EPB41L5: variants seen among roughly 807,000 people sequenced by gnomAD.
EPB41L5 encodes erythrocyte membrane protein band 4.1 like 5.
Under a neutral mutation model 106.6 loss-of-function variants are expected in EPB41L5, and 55 were observed. The ratio of observed to expected loss-of-function variants is 0.52; its 90% CI spans 0.42 to 0.65. The LOEUF is 0.65. EPB41L5 is among the 30% of genes least tolerant of loss of function. EPB41L5 has a pLI of 0.00. For synonymous variants in EPB41L5, 297 were observed against 306.7 expected (o/e 0.97, Z 0.33); for missense variants, 871 against 882.1 (o/e 0.99, Z 0.16).
chr2:120,060,546 A>G (rs1208581785), intron 3 of EPB41L5, among the ~76,000 whole-genome samples: 1 of 152,250 alleles, frequency 6.6e-6, no homozygotes, highest in East Asian at 1.9e-4. Context: ...TATGTATGTA[A>G]CATTCTTGAA....
chr2:120,107,187 T>G (rs13029879), intron 16 of EPB41L5, among the ~76,000 whole-genome samples: 97,554 of 151,894 alleles, frequency 0.64, 32,517 homozygotes, highest in Middle Eastern at 0.74. Context: ...CCCTATTAGT[T>G]CATCGTGCCC....
At chr2:120,020,288 C>T (rs1023960162) in intron 2 of EPB41L5, among the ~76,000 whole-genome samples, 4 of 152,024 alleles carry the variant, frequency 2.6e-5, no homozygotes, top group African/African-American at 4.8e-5. Flanking sequence ...TGAATAAGCT[C>T]GGGAAGACCT....
intron 19 of EPB41L5, among the ~76,000 whole-genome samples, chr2:120,146,014 A>C (rs13422428): frequency 0.034 from 5,138 of 152,218 alleles, 285 homozygotes; most frequent in African/African-American, 0.12. Context: ...TTGTATACCA[A>C]ATAAAAAAAG....
At chr2:120,091,373 A>G (rs1042350855) in intron 12 of EPB41L5, among the ~76,000 whole-genome samples, 182 bp from the exon 13 acceptor site, 19 of 152,184 alleles carry the variant, frequency 1.2e-4, no homozygotes, top group African/African-American at 4.6e-4. Flanking sequence ...TCTGTTGCAT[A>G]TTTCACAAAA....
At chr2:120,064,385 G>A (rs915916668) in intron 3 of EPB41L5, among the ~76,000 whole-genome samples, 4 of 152,120 alleles carry the variant, frequency 2.6e-5, no homozygotes, top group African/African-American at 9.7e-5. Flanking sequence ...AGACATGTAG[G>A]TTAAGTGATT....
At chr2:120,077,158 T>C (rs774480910) in intron 8 of EPB41L5, 67 bp downstream of exon 8, 292 of 1,584,364 alleles carry the variant, frequency 1.8e-4, no homozygotes, top group Non-Finnish European at 2.4e-4. Context: ...CATTTTCTTC[T>C]GTTTCTATCC....
At chr2:120,164,800 G>A in intron 21 of EPB41L5, 36 bp from the exon 22 acceptor site, 1 of 1,448,062 alleles carries the variant, frequency 6.9e-7, no homozygotes. Flanking sequence ...ATGATAAAGG[G>A]GTCATTTAAC....
intron 16 of EPB41L5, among the ~76,000 whole-genome samples, chr2:120,115,746 T>A (rs747066512): frequency 6.6e-6 from 1 of 152,092 alleles, no homozygotes; most frequent in Admixed American, 6.5e-5. Context: ...ATAATTAACA[T>A]TTTATGTTAT....
intron 16 of EPB41L5, chr2:120,105,612 T>C: frequency 1.0e-6 from 1 of 985,376 alleles, no homozygotes; most frequent in Non-Finnish European, 1.2e-6. Context: ...TTAGTATAAT[T>C]ATGTGTAAGA....
At chr2:120,123,038 T>A (rs1357465087) in intron 16 of EPB41L5, among the ~76,000 whole-genome samples, 2 of 152,242 alleles carry the variant, frequency 1.3e-5, no homozygotes, top group East Asian at 3.8e-4. Flanking sequence ...CTGAAGTTGC[T>A]TATCAGCTTA....
At chr2:120,027,383 A>G (rs936987678) in intron 2 of EPB41L5, among the ~76,000 whole-genome samples, 1 of 152,244 alleles carries the variant, frequency 6.6e-6, no homozygotes, top group Non-Finnish European at 1.5e-5. Context: ...CGTACTGCTA[A>G]AACGTAGATG....
chr2:120,158,457 T>A (rs1219930294), intron 20 of EPB41L5, among the ~76,000 whole-genome samples: 1 of 152,142 alleles, frequency 6.6e-6, no homozygotes, highest in Non-Finnish European at 1.5e-5. Context: ...TAAATGTGAT[T>A]CATCACATAA....
chr2:120,090,742 C>G (rs928608690), intron 12 of EPB41L5, among the ~76,000 whole-genome samples: 1 of 152,144 alleles, frequency 6.6e-6, no homozygotes, highest in Non-Finnish European at 1.5e-5. Context: ...TTATATCCCT[C>G]TGGATGTTTA....
intron 1 of EPB41L5, among the ~76,000 whole-genome samples, chr2:120,017,890 G>T (rs1018409804): frequency 6.6e-6 from 1 of 152,026 alleles, no homozygotes; most frequent in African/African-American, 2.4e-5. Flanking sequence ...TCCGCCTCCC[G>T]GGTTCACGCC....
rs869296989 is a variant in EPB41L5 at position 120,123,646 on chromosome 2, C to CTTTTT, written c.1338-4018_1338-4014dup. On this transcript the variant is annotated intron_variant, in intron 16 of 24. Transcript: ENST00000263713. ...GAATGGGGATGGGGAGTGTTCGTCC[C>CTTTTT]TTTTTTTTTTTTTTTTTTTTTTTTT... Among the ~76,000 whole-genome samples the CTTTTT allele has an allele frequency of 3.1e-4, 21 of 68,338 alleles. 1 individual carries two copies. The highest frequency in any genetic ancestry group is 6.4e-4 in the South Asian group (1 of 1,572). 44.8% of individuals were successfully genotyped at this position (68,338 alleles called of 152,430 possible). A position where few individuals can be genotyped will look rare whatever the true frequency, so the allele number is the denominator to read the frequency against.
At chr2:120,093,844 A>C (rs1683575008) in intron 14 of EPB41L5, among the ~76,000 whole-genome samples, 1 of 152,240 alleles carries the variant, frequency 6.6e-6, no homozygotes, top group Non-Finnish European at 1.5e-5. Context: ...TTTCTTGGGA[A>C]GAATTTGTAA....
intron 22 of EPB41L5, among the ~76,000 whole-genome samples, chr2:120,166,147 G>GGGGACGTTAACACACAAGATTGCT: frequency 1.3e-5 from 2 of 152,018 alleles, no homozygotes; most frequent in Admixed American, 1.3e-4. Flanking sequence ...ATCCCTTGGA[G>GGGGACGTTAACACACAAGATTGCT]GGGACGTTAA....
In EPB41L5 at chr2:120,151,249, G is replaced by A. The variant is rs942698926; in HGVS notation, c.1793+4960G>A. On this transcript the variant is annotated intron_variant, in intron 20 of 24. Transcript: ENST00000263713. ...TGGGAGGCGGAGCTTGCAGTGAGCC[G>A]AGATCACGCCACTGCACTCCAGCCT... Among the ~76,000 whole-genome samples the A allele has an allele frequency of 2.6e-5, 4 of 151,960 alleles. 1 individual carries two copies. The highest frequency in any genetic ancestry group is 4.2e-4 in the South Asian group (2 of 4,816).
chr2:120,168,489 A>C (rs1164316530), intron 24 of EPB41L5, among the ~76,000 whole-genome samples: 1 of 152,216 alleles, frequency 6.6e-6, no homozygotes, highest in African/African-American at 2.4e-5. Context: ...CTAGACTCAA[A>C]AACTAGAGCT....
Sources: gnomAD v4.1 joint callset for allele counts (sites outside exome capture counted in the v4.1 genomes callset) on GRCh38, gnomAD v4.1.1 for gene constraint, MANE v1.5 for transcripts, NCBI Gene and HGNC (gene_info 2026-07-23, HGNC 2026-07-21) for gene names.